TUBGCP6: variants seen among roughly 807,000 people sequenced by gnomAD.
TUBGCP6 encodes gamma-tubulin complex component 6.
A neutral mutation model predicts 175.8 loss-of-function variants in TUBGCP6; 161 were observed. The observed-to-expected ratio is 0.92, with a 90% CI of 0.81 to 1.04. The LOEUF (loss-of-function observed/expected upper bound fraction) is 1.04. Among genes scored for constraint, TUBGCP6 ranks in the 50% least tolerant of loss-of-function variants. TUBGCP6 has a pLI of 0.00. For missense variants in TUBGCP6, 2,572 were observed against 2,433.0 expected, an observed-to-expected ratio of 1.06 and a Z score of -1.20; for synonymous variants, 1,173 against 1,030.5, an observed-to-expected ratio of 1.14 and a Z score of -2.65.
intron 2 of TUBGCP6, among the ~76,000 whole-genome samples, chr22:50,238,234 G>A (rs1322774550): frequency 2.6e-5 from 4 of 151,984 alleles, no homozygotes; most frequent in Non-Finnish European, 5.9e-5. Context: ...TAATTATGGT[G>A]AGCTGAAGAA....
chr22:50,219,183 A>G lies in TUBGCP6; in HGVS notation c.4511T>C (p.Val1504Ala), dbSNP rs1041943580. The change falls in exon 20 of 25, where the codon GTC (valine) becomes GCC (alanine). Residue 1504 changes from valine to alanine, a missense_variant. By Grantham distance (64) the Val-to-Ala change is moderately conservative. Transcript: ENST00000248846. ...AHISLVNKAAVDYFFVELHLE... is the reference protein window; with the variant it reads ...AHISLVNKAAADYFFVELHLE... ...GTGCAGCTCCACGAAGAAGTAGTCG[A>G]CAGCGGCCTTGTTCACCAAGGAGAT... 5.0e-6 allele frequency: 8 copies of G among 1,611,792 alleles called. No individual in the cohort carries two copies. The highest frequency in any genetic ancestry group is 6.8e-6 in the Non-Finnish European group (8 of 1,180,002).
chr22:50,241,923 G>A (rs1002384728), intron 1 of TUBGCP6, among the ~76,000 whole-genome samples: 12 of 133,380 alleles, frequency 9.0e-5, no homozygotes, highest in African/African-American at 1.2e-4. Context: ...TCTGGTCTCC[G>A]CATATGGAGA....
chr22:50,218,165 A>G, intron 23 of TUBGCP6, 24 bp downstream of exon 23: 1 of 1,609,868 alleles, frequency 6.2e-7, no homozygotes, highest in Non-Finnish European at 8.5e-7. Context: ...GACCACAGGG[A>G]CGCAGCCGCT....
intron 2 of TUBGCP6, among the ~76,000 whole-genome samples, chr22:50,239,348 T>C (rs1230601813): frequency 2.6e-5 from 4 of 152,188 alleles, no homozygotes; most frequent in African/African-American, 4.8e-5. Flanking sequence ...AGCTAATTTT[T>C]GTATTTTTAG....
chr22:50,225,423 C>T (rs1159669609), intron 10 of TUBGCP6, among the ~76,000 whole-genome samples: 1 of 152,180 alleles, frequency 6.6e-6, no homozygotes, highest in African/African-American at 2.4e-5. Context: ...ATCTGGAGTG[C>T]AGCCAGGACT....
At chr22:50,234,337 G>GCACCCACACCCAGGTACACGGCAGCAT (rs2064735491) in intron 2 of TUBGCP6, among the ~76,000 whole-genome samples, 1 of 82,452 alleles carries the variant, frequency 1.2e-5, no homozygotes, top group South Asian at 6.3e-4. Flanking sequence ...GTCCACAGCA[G>GCACCCACACCCAGGTACACGGCAGCAT]CATCCACACC....
chr22:50,229,301 TTA>T, intron 4 of TUBGCP6, 101 bp downstream of exon 4: 1 of 1,312,256 alleles, frequency 7.6e-7, no homozygotes, highest in South Asian at 1.4e-5. Context: ...AAGAAAAGGT[TTA>T]GACTCTCTGG....
intron 7 of TUBGCP6, 114 bp from the exon 8 acceptor site, chr22:50,226,492 G>C: frequency 1.0e-6 from 1 of 963,542 alleles, no homozygotes; most frequent in South Asian, 1.5e-5. Flanking sequence ...AAGTGGGGGC[G>C]TAGCTGTGAG....
rs2064660347 is a variant in TUBGCP6 at position 50,229,425 on chromosome 22, G to A, written c.1269C>T (p.Tyr423=). The change falls in exon 4 of 25, where the codon TAC becomes TAT. Residue 423 remains tyrosine, a synonymous_variant. Coordinates refer to ENST00000248846, the MANE Select transcript of TUBGCP6 (RefSeq NM_020461.4). ...FSLQPVLDSL[Y]SKGLVFQAFT... ...ATACCTGGAACACGAGGCCCTTGCT[G>A]TACAAAGAGTCCAGGACGGGCTGCA... is the stretch of plus-strand genomic sequence containing the variant. The A allele has an allele frequency of 6.2e-7, 1 of 1,613,634 alleles. No homozygotes were observed. The highest frequency in any genetic ancestry group is 1.3e-5 in the African/African-American group (1 of 75,062).
intron 1 of TUBGCP6, among the ~76,000 whole-genome samples, chr22:50,241,065 T>C (rs2064832866): frequency 6.6e-6 from 1 of 152,242 alleles, no homozygotes; most frequent in African/African-American, 2.4e-5. Context: ...AGAACAAGAA[T>C]AGTTACACTA....
rs191978159 is a variant in TUBGCP6, at chr22:50,219,533, C to G, written c.4316-77G>C. 209 of 1,585,258 alleles carry G rather than the reference C, an allele frequency of 1.3e-4. 1 individual carries two copies. In the East Asian group the frequency reaches 4.4e-3, roughly 33 times the overall value. The stretch of plus-strand genomic sequence containing the variant: ...GCCCCCATCCACAGGAGATGGAGCA[C>G]GTGCTGGGAACTGGCTAGCCCAGGG... On this transcript the variant is annotated intron_variant, in intron 18 of 24. Coordinates refer to ENST00000248846, the MANE Select transcript of TUBGCP6 (RefSeq NM_020461.4).
rs2064661851 is a variant in TUBGCP6 at position 50,229,494 on chromosome 22, C to A, written c.1200G>T (p.Val400=). The A allele has an allele frequency of 5.0e-6, 8 of 1,611,698 alleles. No individual in the cohort carries two copies. The highest frequency in any genetic ancestry group is 6.8e-6 in the Non-Finnish European group (8 of 1,179,176). ...PESISSLLSE[V]AEYGTCYTRL... is the part of the protein sequence containing the mutation. ...GCGTGTAGCAGGTCCCATACTCGGCCACTTCCGAGAGCAGGCTGCTGATGC... is the reference window on the plus strand; with the variant it reads ...GCGTGTAGCAGGTCCCATACTCGGCAACTTCCGAGAGCAGGCTGCTGATGC... Residue 400 remains valine, a synonymous_variant, in exon 4 of 25, where the codon GTG becomes GTT. Coordinates refer to ENST00000248846, the MANE Select transcript of TUBGCP6 (RefSeq NM_020461.4).
chr22:50,217,943 C>T lies in TUBGCP6; in HGVS notation c.5343G>A (p.Lys1781=). ...ALMQQSYNTF[K]YYSHFLFKVV... ...CTTTGAAGAGAAAGTGGGAGTAGTA[C>T]TTGAAGGTGTTGTAGGACTGCTGCA... is the stretch of plus-strand genomic sequence containing the variant. Residue 1781 remains lysine (K), a synonymous_variant, in exon 24 of 25, where the codon AAG becomes AAA. Transcript: ENST00000248846. The T allele has an allele frequency of 7.5e-6, 12 of 1,608,882 alleles. No individual in the cohort carries two copies. Among genetic ancestry groups the T allele is most frequent in the Non-Finnish European group, 1.0e-5 (12 of 1,177,266 alleles).
chr22:50,244,438 A>T lies in TUBGCP6; in HGVS notation c.22T>A (p.Phe8Ile). ...AGGAGGGCCTCACACAGGTCGTCGA[A>T]CAGCTGCGTGATGCTGGCCATGCCC... is the stretch of plus-strand genomic sequence containing the variant. MASITQLFDDLCEALLPA... is the reference protein window; with the variant it reads MASITQLIDDLCEALLPA... The change falls in exon 1 of 25, where the codon TTC becomes ATC. Residue 8 changes from phenylalanine (F) to isoleucine (I), a missense_variant. Physicochemically the swap from Phe to Ile is conservative, Grantham distance 21. Transcript: ENST00000248846. 6.2e-7 allele frequency: 1 copy of T among 1,612,180 alleles called. No individual in the cohort carries two copies. The highest frequency in any genetic ancestry group is 8.5e-7 in the Non-Finnish European group (1 of 1,179,604).
chr22:50,226,881 CCCAGCGCTGGGAGTGAGGCGCAG>C, intron 6 of TUBGCP6, 39 bp from the exon 7 acceptor site: 2 of 1,552,170 alleles, frequency 1.3e-6, no homozygotes, highest in Non-Finnish European at 1.7e-6. Flanking sequence ...GCTCAGCGCA[CCCAGCGCTGGGAGTGAGGCGCAG>C]CCCTGCCGGC....
chr22:50,220,040 G>A (rs751245229), intron 16 of TUBGCP6, 25 bp from the exon 17 acceptor site: 16 of 1,610,602 alleles, frequency 9.9e-6, no homozygotes, highest in African/African-American at 1.3e-5. Context: ...GTGGACACGA[G>A]GGCATCAGGG....
In TUBGCP6 at chr22:50,224,442, C is replaced by T. The variant is rs755486267; in HGVS notation, c.2066-22G>A. Reference sequence around the variant, plus strand: ...CGGTCTACATTGGGACAGTAAGGGGCGCACTGTCACAAGGAGGCCCCAGCA... The same window carrying T: ...CGGTCTACATTGGGACAGTAAGGGGTGCACTGTCACAAGGAGGCCCCAGCA... On this transcript the variant is annotated intron_variant, in intron 11 of 24. Transcript: ENST00000248846. 2.8e-5 allele frequency: 46 copies of T among 1,614,052 alleles called. No individual in the cohort carries two copies. In the Middle Eastern group the frequency reaches 6.6e-4, roughly 23 times the overall value.
In TUBGCP6 at chr22:50,221,104, A is replaced by G. The variant is rs2064514952; in HGVS notation, c.3255T>C (p.Asn1085=). 6.2e-7 allele frequency: 1 copy of G among 1,600,520 alleles called. No homozygotes were observed. Among genetic ancestry groups the G allele is most frequent in the South Asian group, 1.1e-5 (1 of 90,534 alleles). The change falls in exon 16 of 25, where the codon AAT becomes AAC. Residue 1085 remains asparagine (N), a synonymous_variant. Coordinates refer to ENST00000248846, the MANE Select transcript of TUBGCP6 (RefSeq NM_020461.4). ...CAGACTCCCCTAAGCTGATGCTGGC[A>G]TTGGATACGTGTCCGTGGGTGTTCC... ...PRWNTHGHVS[N]ASISLGESVS...
Position 50,228,674 on chromosome 22 carries a change from G to A in TUBGCP6, c.1291-646C>T, listed in dbSNP as rs559098819. On this transcript the variant is annotated intron_variant, in intron 4 of 24. Transcript: ENST00000248846. ...ACCATCTCTAGCTCTCAAGTCCCCCGGGGCTGAGCCTCTGCCTAGAAGCTC... is the reference window on the plus strand; with the variant it reads ...ACCATCTCTAGCTCTCAAGTCCCCCAGGGCTGAGCCTCTGCCTAGAAGCTC... 1.5e-4 allele frequency among the ~76,000 whole-genome samples: 23 copies of A among 152,126 alleles called. 1 individual carries two copies. The highest frequency in any genetic ancestry group is 5.8e-4 in the East Asian group (3 of 5,174).
Sources: gnomAD v4.1 joint callset for allele counts (sites outside exome capture counted in the v4.1 genomes callset) on GRCh38, gnomAD v4.1.1 for gene constraint, MANE v1.5 for transcripts, NCBI Gene and HGNC (gene_info 2026-07-23, HGNC 2026-07-21) for gene names.